PIK3C2B: variants seen among roughly 807,000 people sequenced by gnomAD.
The protein encoded by PIK3C2B is phosphatidylinositol-4-phosphate 3-kinase catalytic subunit type 2 beta, also known as phosphatidylinositol 4-phosphate 3-kinase C2 domain-containing subunit beta.
Under a neutral mutation model 184.3 loss-of-function variants are expected in PIK3C2B, and 83 were observed. That is an observed-to-expected ratio of 0.45 (90% CI 0.38 to 0.54). The LOEUF is 0.54. PIK3C2B is among the 20% of genes least tolerant of loss of function. The pLI is 0.00. For synonymous variants in PIK3C2B, 779 were observed against 837.6 expected, an observed-to-expected ratio of 0.93 and a Z score of 1.21; for missense variants, 1,736 against 2,113.5, an observed-to-expected ratio of 0.82 and a Z score of 3.50.
chr1:204,439,114 A>T (rs1277753053), intron 22 of PIK3C2B, 43 bp from the exon 23 acceptor site: 2 of 1,598,628 alleles, frequency 1.3e-6, no homozygotes, highest in African/African-American at 2.7e-5. Flanking sequence ...ACCAGAATGA[A>T]GGGGACTGCA....
At chr1:204,439,623 CT>C (rs1362261147) in intron 22 of PIK3C2B, among the ~76,000 whole-genome samples, 8 of 151,580 alleles carry the variant, frequency 5.3e-5, no homozygotes, top group African/African-American at 1.2e-4. Context: ...TGTCTCTCTC[CT>C]TCTCTCTCTC....
Position 204,484,220 on chromosome 1 carries a change from T to C in PIK3C2B, c.-85+10136A>G, listed in dbSNP as rs115796987. On this transcript the variant is annotated intron_variant, in intron 1 of 32. Coordinates refer to ENST00000684373, the MANE Select transcript of PIK3C2B (RefSeq NM_001377334.1). ...CCCTCTGGTATTTTGTGCCAGGTAT[T>C]GTCTTATTTAGTCCTCACAACAATC... is the stretch of plus-strand genomic sequence containing the variant. Among the ~76,000 whole-genome samples the C allele has an allele frequency of 6.0e-4, 92 of 152,314 alleles. 1 individual carries two copies. The highest frequency in any genetic ancestry group is 3.4e-3 in the Middle Eastern group (1 of 294).
At position 204,442,623 on chromosome 1, in the gene PIK3C2B, C is replaced by A. The variant is rs371771008; in HGVS notation, c.3059G>T (p.Arg1020Leu). ...AAPSARQGIL[R>L]TGLEEVKQFF... ...CTGCTTCACCTCCTCCAGGCCCGTGCGGAGGATTCCCTGGAAAGAAGGGGA... is the reference window on the plus strand; with the variant it reads ...CTGCTTCACCTCCTCCAGGCCCGTGAGGAGGATTCCCTGGAAAGAAGGGGA... The change falls in exon 20 of 33, where the codon CGC (arginine) becomes CTC (leucine). Residue 1020 changes from arginine (R) to leucine (L), a missense_variant. By Grantham distance (102) the Arg-to-Leu change is moderately radical. This residue lies in a region of PIK3C2B where 289 missense variants were observed against 380.4 expected (regional missense o/e 0.76). Transcript: ENST00000684373. 7.1e-6 allele frequency: 11 copies of A among 1,549,114 alleles called. No individual in the cohort carries two copies. The highest frequency in any genetic ancestry group is 9.6e-6 in the Non-Finnish European group (11 of 1,144,650).
chr1:204,459,919 C>G lies in PIK3C2B; in HGVS notation c.1525G>C (p.Asp509His). Residue 509 changes from aspartate (D) to histidine (H), a missense_variant, in exon 8 of 33, where the codon GAC (aspartate) becomes CAC (histidine). By Grantham distance (81) the Asp-to-His change is moderately conservative. Around this residue, in one of 8 missense-constraint regions of PIK3C2B, gnomAD observed 609 missense variants for 699.2 expected, o/e 0.87. Transcript: ENST00000684373. ...GCATCCACCTCATTGTGGTAAGTGT[C>G]GAACAGAAGACTCAGGGCCTGCCTG... ...ISRQALSLLF[D>H]TYHNEVDAFL... The G allele has an allele frequency of 1.9e-6, 3 of 1,613,826 alleles. No homozygotes were observed. Among genetic ancestry groups the G allele is most frequent in the Non-Finnish European group, 2.5e-6 (3 of 1,179,972 alleles).
intron 15 of PIK3C2B, among the ~76,000 whole-genome samples, chr1:204,446,571 T>C (rs1283388888): frequency 6.6e-6 from 1 of 152,172 alleles, no homozygotes; most frequent in African/African-American, 2.4e-5. Context: ...CAGAGGGCAG[T>C]GGTCCCCCAA....
chr1:204,457,836 G>A lies in PIK3C2B; in HGVS notation c.1605C>T (p.Ser535=), dbSNP rs533281881. 43 of 1,613,278 alleles carry A rather than the reference G, an allele frequency of 2.7e-5. 1 individual carries two copies. The highest frequency in any genetic ancestry group is 1.8e-4 in the East Asian group (8 of 44,836). Residue 535 remains serine, a synonymous_variant, in exon 9 of 33, where the codon TCC becomes TCT. Coordinates refer to ENST00000684373, the MANE Select transcript of PIK3C2B (RefSeq NM_001377334.1). Reference sequence around the variant, plus strand: ...CCAGGGCGTTGCAGATGGCCTTGACGGACTGGACCACCCTGTCAGCCTTCA... The same window carrying A: ...CCAGGGCGTTGCAGATGGCCTTGACAGACTGGACCACCCTGTCAGCCTTCA... ...FPLKADRVVQ[S]VKAICNALAA... is the part of the protein sequence containing the mutation.
intron 1 of PIK3C2B, among the ~76,000 whole-genome samples, chr1:204,478,820 T>C (rs1270771588): frequency 3.9e-5 from 6 of 152,236 alleles, no homozygotes; most frequent in African/African-American, 1.4e-4. Context: ...TGGAAGTCTT[T>C]CTGGGTCCTA....
At chr1:204,450,257 G>A (rs1654237794) in intron 12 of PIK3C2B, 1 of 429,710 alleles carries the variant, frequency 2.3e-6, no homozygotes, top group South Asian at 5.0e-5. Flanking sequence ...AGTAGAGTGA[G>A]GCGAACATCC....
intron 20 of PIK3C2B, among the ~76,000 whole-genome samples, 161 bp downstream of exon 20, chr1:204,442,365 G>C (rs961986282): frequency 6.6e-6 from 1 of 152,144 alleles, no homozygotes; most frequent in Non-Finnish European, 1.5e-5. Flanking sequence ...GGTGAGCTGA[G>C]ACCCCTGAGG....
At chr1:204,434,750 C>T (rs1237851936) in intron 23 of PIK3C2B, 142 bp from the exon 24 acceptor site, 2 of 612,634 alleles carry the variant, frequency 3.3e-6, no homozygotes, top group Non-Finnish European at 2.9e-6. Context: ...TCTGCCTGTT[C>T]ATCCTTCATC....
At chr1:204,435,900 A>G (rs1169312384) in intron 23 of PIK3C2B, 3 of 152,238 alleles carry the variant, frequency 2.0e-5, no homozygotes, top group Non-Finnish European at 4.4e-5. Flanking sequence ...ATAAATGAAT[A>G]AAAGCACTTA....
rs199833477 is a variant in PIK3C2B at position 204,443,510 on chromosome 1, C to T, written c.2955G>A (p.Gly985=). The T allele has an allele frequency of 1.2e-6, 2 of 1,614,120 alleles. No individual in the cohort carries two copies. Among genetic ancestry groups the T allele is most frequent in the African/African-American group, 1.3e-5 (1 of 74,948 alleles). ...ACTGGCGGTTAAACTCTTCTCTCAG[C>T]CCCTTGCCACAGCAGCACAGTAAGG... The part of the protein sequence containing the change: ...LAALLCCCGK[G]LREEFNRQCW... Residue 985 remains glycine, a synonymous_variant, in exon 19 of 33, where the codon GGG becomes GGA. Coordinates refer to ENST00000684373, the MANE Select transcript of PIK3C2B (RefSeq NM_001377334.1).
Position 204,464,480 on chromosome 1 carries a change from G to C in PIK3C2B, c.1159C>G (p.Leu387Val). Residue 387 changes from leucine (L) to valine (V), a missense_variant, in exon 4 of 33, where the codon CTT (leucine) becomes GTT (valine). This residue lies in a region of PIK3C2B where 609 missense variants were observed against 699.2 expected (regional missense o/e 0.87). Coordinates refer to ENST00000684373, the MANE Select transcript of PIK3C2B (RefSeq NM_001377334.1). ...CAGGTGAAAGTGAGTGCCTCTTGAA[G>C]CCTGTCACACAACACAGTCACCTTC... ...NLKVTVLCDR[L>V]QEALTFTCNC... 6.2e-7 allele frequency: 1 copy of C among 1,613,610 alleles called. No homozygotes were observed. Among genetic ancestry groups the C allele is most frequent in the Non-Finnish European group, 8.5e-7 (1 of 1,179,746 alleles).
intron 23 of PIK3C2B, 40 bp from the exon 24 acceptor site, chr1:204,434,648 G>A (rs1244126588): frequency 1.3e-6 from 2 of 1,571,790 alleles, no homozygotes; most frequent in South Asian, 2.3e-5. Context: ...AGGACATAAA[G>A]CTGGCTTGGA....
intron 1 of PIK3C2B, among the ~76,000 whole-genome samples, chr1:204,480,727 T>C (rs1657056678): frequency 6.6e-6 from 1 of 151,758 alleles, no homozygotes; most frequent in African/African-American, 2.4e-5. Flanking sequence ...TGCTCAGCTC[T>C]GAGAAGGGCC....
chr1:204,481,869 A>C (rs1474876842), intron 1 of PIK3C2B, among the ~76,000 whole-genome samples: 1 of 152,228 alleles, frequency 6.6e-6, no homozygotes, highest in Non-Finnish European at 1.5e-5. Context: ...AGGGTAGGAA[A>C]GGAAAGGGAC....
intron 11 of PIK3C2B, among the ~76,000 whole-genome samples, chr1:204,455,406 A>G (rs1471699798): frequency 6.6e-6 from 1 of 152,188 alleles, no homozygotes; most frequent in African/African-American, 2.4e-5. Flanking sequence ...GGGACCCAAC[A>G]GAGGCGCTGA....
Position 204,425,711 on chromosome 1 carries a change from G to A in PIK3C2B, c.4618C>T (p.Pro1540Ser). The change falls in exon 32 of 33, where the codon CCC becomes TCC. Residue 1540 changes from proline (P) to serine (S), a missense_variant. Physicochemically the swap from Pro to Ser is moderately conservative, Grantham distance 74. Transcript: ENST00000684373. ...QLLQDGNDPDPYVKIYLLPDP... is the reference protein window; with the variant it reads ...QLLQDGNDPDSYVKIYLLPDP... ...GGAAGGAGGTAAATTTTCACATAGG[G>A]GTCAGGGTCATTTCCATCCTGGAGC... is the stretch of plus-strand genomic sequence containing the variant. The A allele has an allele frequency of 6.2e-7, 1 of 1,613,806 alleles. No homozygotes were observed. Among genetic ancestry groups the A allele is most frequent in the Non-Finnish European group, 8.5e-7 (1 of 1,179,844 alleles).
At chr1:204,462,771 T>G (rs1031275446) in intron 5 of PIK3C2B, among the ~76,000 whole-genome samples, 12 of 152,124 alleles carry the variant, frequency 7.9e-5, no homozygotes, top group African/African-American at 2.9e-4. Flanking sequence ...TAAGCCCAGA[T>G]AGCTGGGCAC....
Sources: allele counts gnomAD v4.1 joint callset (sites outside exome capture counted in the v4.1 genomes callset), GRCh38; gene constraint gnomAD v4.1.1; regional missense constraint gnomAD v4.1.1; transcripts MANE v1.5; gene names NCBI Gene and HGNC (gene_info 2026-07-23, HGNC 2026-07-21).